Variants in LMTK2 observed in about 807,000 individuals in gnomAD.
The protein encoded by LMTK2 is serine/threonine-protein kinase LMTK2.
A neutral mutation model predicts 127.5 loss-of-function variants in LMTK2; 37 were observed. The observed-to-expected ratio is 0.29, with a 90% CI of 0.22 to 0.38. LMTK2 has a LOEUF of 0.38. LMTK2 is among the 10% of genes least tolerant of loss of function. The pLI, the probability that LMTK2 is intolerant of heterozygous loss-of-function variation, is 1.00. For synonymous variants in LMTK2, 819 were observed against 810.1 expected, an observed-to-expected ratio of 1.01 and a Z score of -0.19; for missense variants, 1,694 against 1,920.3, an observed-to-expected ratio of 0.88 and a Z score of 2.20.
intron 1 of LMTK2, among the ~76,000 whole-genome samples, chr7:98,121,722 C>T (rs557580933): frequency 3.3e-5 from 5 of 152,054 alleles, no homozygotes; most frequent in African/African-American, 9.6e-5. Context: ...AAATTTGTGC[C>T]GGGCATGGTG....
intron 13 of LMTK2, among the ~76,000 whole-genome samples, 184 bp downstream of exon 13, chr7:98,204,370 C>G (rs1334178998): frequency 6.6e-6 from 1 of 152,136 alleles, no homozygotes; most frequent in Non-Finnish European, 1.5e-5. Flanking sequence ...GCCTGTAATC[C>G]CAGCTACTCA....
chr7:98,184,448 G>C (rs577850511), intron 7 of LMTK2, among the ~76,000 whole-genome samples: 36 of 151,960 alleles, frequency 2.4e-4, no homozygotes, highest in Non-Finnish European at 4.6e-4. Flanking sequence ...CGGGTTGGGG[G>C]TATGTGTGTG....
intron 7 of LMTK2, among the ~76,000 whole-genome samples, chr7:98,182,376 T>C (rs1424242290): frequency 1.3e-5 from 2 of 152,186 alleles, no homozygotes; most frequent in Non-Finnish European, 1.5e-5. Flanking sequence ...TATGGAGAAT[T>C]CGTGCAACTC....
At chr7:98,149,428 C>CT (rs769384518) in intron 3 of LMTK2, among the ~76,000 whole-genome samples, 2 of 152,188 alleles carry the variant, frequency 1.3e-5, no homozygotes, top group Non-Finnish European at 2.9e-5. Context: ...AAAAAAAAGT[C>CT]TTTTAGTGTT....
intron 3 of LMTK2, among the ~76,000 whole-genome samples, chr7:98,145,754 A>G (rs531530660): frequency 6.6e-6 from 1 of 152,288 alleles, no homozygotes; most frequent in East Asian, 1.9e-4. Context: ...CAAATTCTAT[A>G]TGTTCTCTTT....
chr7:98,116,276 T>G (rs1025622032), intron 1 of LMTK2, among the ~76,000 whole-genome samples: 3 of 152,164 alleles, frequency 2.0e-5, no homozygotes, highest in Admixed American at 6.5e-5. Context: ...TTTTTGGGAT[T>G]GGTGTTTGGA....
At chr7:98,156,443 C>T (rs140436069) in intron 5 of LMTK2, among the ~76,000 whole-genome samples, 3,230 of 149,576 alleles carry the variant, frequency 0.022, 42 homozygotes, top group Non-Finnish European at 0.033. Context: ...CCAGCCTGGG[C>T]GACAGAACAA....
intron 8 of LMTK2, among the ~76,000 whole-genome samples, 189 bp downstream of exon 8, chr7:98,185,324 C>T (rs891391007): frequency 5.9e-5 from 9 of 152,082 alleles, no homozygotes; most frequent in Non-Finnish European, 8.8e-5. Flanking sequence ...GCTTTGCATC[C>T]GAGGTTTTGC....
intron 6 of LMTK2, among the ~76,000 whole-genome samples, chr7:98,166,411 A>G (rs534384768): frequency 6.6e-6 from 1 of 152,218 alleles, no homozygotes. Context: ...AAAAAGAAAA[A>G]CACTTTTAAT....
chr7:98,131,080 C>G (rs1290119959), intron 1 of LMTK2, among the ~76,000 whole-genome samples: 1 of 152,166 alleles, frequency 6.6e-6, no homozygotes, highest in African/African-American at 2.4e-5. Flanking sequence ...TCATGCTGCC[C>G]CCGTCCACTT....
intron 6 of LMTK2, among the ~76,000 whole-genome samples, chr7:98,163,864 G>A (rs1351961896): frequency 1.3e-5 from 2 of 152,182 alleles, no homozygotes; most frequent in Non-Finnish European, 2.9e-5. Context: ...AGAGGGCAGC[G>A]GTCTGGGCTC....
At chr7:98,191,381 G>A (rs1205548331) in intron 10 of LMTK2, among the ~76,000 whole-genome samples, 3 of 152,026 alleles carry the variant, frequency 2.0e-5, no homozygotes, top group Admixed American at 1.3e-4. Flanking sequence ...GTGAAACCCC[G>A]TCTGTACTAA....
At chr7:98,122,710 GTGTGTGTGTGTGTGTGTATA>G (rs1280530365) in intron 1 of LMTK2, among the ~76,000 whole-genome samples, 8 of 3,622 alleles carry the variant, frequency 2.2e-3, no homozygotes, top group Non-Finnish European at 3.3e-3. Context: ...GTGTGTGTGT[GTGTGTGTGTGTGTGTGTATA>G]TATATAACTG....
At chr7:98,199,657 G>A (rs769784887) in intron 11 of LMTK2, among the ~76,000 whole-genome samples, 8 of 152,100 alleles carry the variant, frequency 5.3e-5, no homozygotes, top group Non-Finnish European at 1.0e-4. Flanking sequence ...ACCACACACA[G>A]CTAATTTTTG....
intron 7 of LMTK2, among the ~76,000 whole-genome samples, chr7:98,174,523 G>A (rs960603009): frequency 6.6e-6 from 1 of 152,190 alleles, no homozygotes; most frequent in Non-Finnish European, 1.5e-5. Flanking sequence ...AGGACTTCCT[G>A]TCCCCTGCCT....
At chr7:98,189,840 G>A (rs1361388046) in intron 9 of LMTK2, among the ~76,000 whole-genome samples, 2 of 152,170 alleles carry the variant, frequency 1.3e-5, no homozygotes, top group Non-Finnish European at 2.9e-5. Flanking sequence ...ACAGCTGCCA[G>A]CGTGATGGGG....
intron 2 of LMTK2, 24 bp from the exon 3 acceptor site, chr7:98,141,373 A>C: frequency 6.2e-7 from 1 of 1,607,024 alleles, no homozygotes; most frequent in Non-Finnish European, 8.5e-7. Context: ...AATGGTTTTT[A>C]ATGCTTGCTC....
At chr7:98,189,900 A>G (rs1305673388) in intron 9 of LMTK2, among the ~76,000 whole-genome samples, 1 of 152,164 alleles carries the variant, frequency 6.6e-6, no homozygotes, top group East Asian at 1.9e-4. Context: ...AGTAACTCAA[A>G]CCAAACTTGT....
At chr7:98,152,084 G>T (rs1796866631) in intron 4 of LMTK2, among the ~76,000 whole-genome samples, 1 of 152,136 alleles carries the variant, frequency 6.6e-6, no homozygotes, top group South Asian at 2.1e-4. Context: ...TCCTTCTCAG[G>T]TTAGATTGTT....
Sources: allele counts gnomAD v4.1 joint callset (sites outside exome capture counted in the v4.1 genomes callset), GRCh38; gene constraint gnomAD v4.1.1; transcripts MANE v1.5; gene names NCBI Gene and HGNC (gene_info 2026-07-23, HGNC 2026-07-21).